Variants in DPP6 observed in about 807,000 individuals in gnomAD.
DPP6 encodes A-type potassium channel modulatory protein DPP6.
A neutral mutation model predicts 122.6 loss-of-function variants in DPP6; 69 were observed. The ratio of observed to expected loss-of-function variants is 0.56; its 90% CI spans 0.46 to 0.69. DPP6 has a LOEUF of 0.69. Among genes scored for constraint, DPP6 ranks in the 30% least tolerant of loss-of-function variants. The pLI, the probability that DPP6 is intolerant of heterozygous loss-of-function variation, is 0.00. For synonymous variants in DPP6, 418 were observed against 433.1 expected, an observed-to-expected ratio of 0.97 and a Z score of 0.43; for missense variants, 928 against 1,116.9, an observed-to-expected ratio of 0.83 and a Z score of 2.41.
chr7:153,829,523 C>G, the DPP6 span, among the ~76,000 whole-genome samples: 1 of 152,158 alleles, frequency 6.6e-6, no homozygotes, highest in Non-Finnish European at 1.5e-5. Context: ...CTGTCCTCCT[C>G]TTTTTTGTCT....
At chr7:154,783,980 C>T (rs933602792) in intron 10 of DPP6, among the ~76,000 whole-genome samples, 1 of 152,100 alleles carries the variant, frequency 6.6e-6, no homozygotes, top group Non-Finnish European at 1.5e-5. Context: ...CTCTTCTCTG[C>T]CCTATTTTCA....
chr7:154,044,533 A>G (rs1287088974), intron 1 of DPP6, among the ~76,000 whole-genome samples: 1 of 152,190 alleles, frequency 6.6e-6, no homozygotes, highest in African/African-American at 2.4e-5. Context: ...ATATTTGCCT[A>G]TAAATATTAA....
At chr7:154,779,092 T>C (rs898389171) in intron 10 of DPP6, among the ~76,000 whole-genome samples, 58 of 3,028 alleles carry the variant, frequency 0.019, no homozygotes, top group Middle Eastern at 0.12. Flanking sequence ...CCACAACCTC[T>C]ACCACCACCA....
chr7:153,932,751 C>A (rs1351732030), intron 1 of DPP6, among the ~76,000 whole-genome samples: 1 of 152,150 alleles, frequency 6.6e-6, no homozygotes, highest in East Asian at 1.9e-4. Flanking sequence ...TCCCAGAAGT[C>A]TTGGCTGTGA....
intron 1 of DPP6, among the ~76,000 whole-genome samples, chr7:154,030,050 G>A (rs908616894): frequency 7.2e-5 from 11 of 152,008 alleles, no homozygotes; most frequent in Non-Finnish European, 7.4e-5. Flanking sequence ...ACAAGAATTA[G>A]CCAGGCGTGG....
chr7:153,927,491 G>A (rs1189625558), intron 1 of DPP6, among the ~76,000 whole-genome samples: 2 of 152,152 alleles, frequency 1.3e-5, no homozygotes, highest in Non-Finnish European at 2.9e-5. Flanking sequence ...GGAATTGTGT[G>A]TGTCATAAAT....
At chr7:154,362,374 A>G (rs953835062) in intron 1 of DPP6, among the ~76,000 whole-genome samples, 1 of 152,124 alleles carries the variant, frequency 6.6e-6, no homozygotes, top group African/African-American at 2.4e-5. Flanking sequence ...GTCATTCGGT[A>G]CAACAAAGAT....
chr7:154,256,128 C>T (rs1238749640), intron 1 of DPP6, among the ~76,000 whole-genome samples: 4 of 152,176 alleles, frequency 2.6e-5, no homozygotes, highest in Non-Finnish European at 5.9e-5. Flanking sequence ...TAGACTCGAA[C>T]ATGATTTGAT....
intron 1 of DPP6, among the ~76,000 whole-genome samples, chr7:154,156,287 G>A (rs1251185163): frequency 6.6e-6 from 1 of 152,260 alleles, no homozygotes; most frequent in Non-Finnish European, 1.5e-5. Flanking sequence ...CCAGAACAGT[G>A]CTGGCCTGTT....
chr7:154,694,892 G>C (rs889268360), intron 7 of DPP6, among the ~76,000 whole-genome samples: 1 of 151,916 alleles, frequency 6.6e-6, no homozygotes, highest in African/African-American at 2.4e-5. Flanking sequence ...CCTTCTCCTC[G>C]TGCCACACAC....
chr7:153,964,975 T>TCC, intron 1 of DPP6, among the ~76,000 whole-genome samples: 1 of 122,370 alleles, frequency 8.2e-6, no homozygotes, highest in African/African-American at 4.2e-5. Flanking sequence ...TTTCATTTCT[T>TCC]TTCCCTTCCT....
At chr7:154,444,124 A>G (rs1819647092) in intron 1 of DPP6, among the ~76,000 whole-genome samples, 1 of 152,182 alleles carries the variant, frequency 6.6e-6, no homozygotes, top group African/African-American at 2.4e-5. Flanking sequence ...TACCCATTTA[A>G]AAATTAAATG....
At position 154,158,835 on chromosome 7, in the gene DPP6, C is replaced by G. The variant is rs117739302; in HGVS notation, c.243+105772C>G. ...TTTTCCCAGGGCGGAATCCCTCCAC[C>G]TCTTGCCCAGGGAACATAGCTGGGC... On this transcript the variant is annotated intron_variant, in intron 1 of 25. Coordinates refer to ENST00000377770, the MANE Select transcript of DPP6 (RefSeq NM_130797.4). Among the ~76,000 whole-genome samples, 719 of 152,152 alleles carry G rather than the reference C, an allele frequency of 4.7e-3. 15 individuals are homozygous for G. Among genetic ancestry groups the G allele is most frequent in the East Asian group, 0.044 (229 of 5,154 alleles).
intron 1 of DPP6, among the ~76,000 whole-genome samples, chr7:153,935,685 C>T (rs879613640): frequency 3.3e-5 from 5 of 152,174 alleles, no homozygotes; most frequent in African/African-American, 4.8e-5. Context: ...ACTCAGGCTC[C>T]GTTGCAGAGG....
At chr7:154,728,280 C>T (rs1214419701) in intron 8 of DPP6, among the ~76,000 whole-genome samples, 1 of 152,200 alleles carries the variant, frequency 6.6e-6, no homozygotes, top group Non-Finnish European at 1.5e-5. Context: ...ATAAGTGCCT[C>T]GTTTTGCCTT....
chr7:154,159,457 T>C (rs1281601474), intron 1 of DPP6, among the ~76,000 whole-genome samples: 1 of 152,248 alleles, frequency 6.6e-6, no homozygotes, highest in Non-Finnish European at 1.5e-5. Context: ...TAAATACATA[T>C]TAAATCCAGA....
At chr7:154,365,875 G>GTGA (rs1292158664) in intron 1 of DPP6, among the ~76,000 whole-genome samples, 1 of 150,270 alleles carries the variant, frequency 6.7e-6, no homozygotes, top group Non-Finnish European at 1.5e-5. Context: ...GGAGAATGGC[G>GTGA]TGAACCTGGG....
chr7:154,062,324 A>AC (rs1802100187), intron 1 of DPP6, among the ~76,000 whole-genome samples: 1 of 47,970 alleles, frequency 2.1e-5, no homozygotes, highest in African/African-American at 8.7e-5. Context: ...CCATCGCAGG[A>AC]GGGGGAGGCA....
In DPP6 at chr7:154,842,681, C is replaced by G. The variant is rs545034078; in HGVS notation, c.1667-11099C>G. 7.5e-4 allele frequency among the ~76,000 whole-genome samples: 114 copies of G among 152,216 alleles called. 1 individual carries two copies. Among genetic ancestry groups the G allele is most frequent in the South Asian group, 2.3e-3 (11 of 4,820 alleles). On this transcript the variant is annotated intron_variant, in intron 16 of 25. Coordinates refer to ENST00000377770, the MANE Select transcript of DPP6 (RefSeq NM_130797.4). Reference sequence around the variant, plus strand: ...TCACTTGCTTCCATTTGTTTATTTTCCCTTCCAGGAACAATATAAATTTTG... The same window carrying G: ...TCACTTGCTTCCATTTGTTTATTTTGCCTTCCAGGAACAATATAAATTTTG...
Sources: gnomAD v4.1 joint callset for allele counts (sites outside exome capture counted in the v4.1 genomes callset) on GRCh38, gnomAD v4.1.1 for gene constraint, MANE v1.5 for transcripts, NCBI Gene and HGNC (gene_info 2026-07-23, HGNC 2026-07-21) for gene names.